Variants in CENPC observed in about 807,000 individuals in gnomAD.
The protein encoded by CENPC is CENP-C 1.
In CENPC, 63 loss-of-function variants were observed where a neutral mutation model predicts 112.1. That is an observed-to-expected ratio of 0.56 (90% CI 0.46 to 0.69). The LOEUF (loss-of-function observed/expected upper bound fraction) is 0.69. CENPC is among the 30% of genes least tolerant of loss of function. The probability of loss-of-function intolerance (pLI) is 0.00; values close to 1 mark genes in which losing one functional copy is unlikely to be tolerated. For synonymous variants in CENPC, 333 were observed against 367.6 expected (o/e 0.91, Z 1.08); for missense variants, 1,000 against 1,103.8 (o/e 0.91, Z 1.33).
Position 67,519,389 on chromosome 4 carries a change from C to T in CENPC, c.445G>A (p.Asp149Asn). 1 of 1,613,304 alleles carries T rather than the reference C, an allele frequency of 6.2e-7. No individual in the cohort carries two copies. Among genetic ancestry groups the T allele is most frequent in the Non-Finnish European group, 8.5e-7 (1 of 1,179,528 alleles). ...CCAACGGATAAGTAAAATTCTTCAT[C>T]AGCTTCACTGTGATGATCATTTATG... ...RNINDHHSEADEEFYLSVGSP... is the reference protein window; with the variant it reads ...RNINDHHSEANEEFYLSVGSP... The change falls in exon 6 of 19, where the codon GAT (aspartate) becomes AAT (asparagine). Residue 149 changes from aspartate (D) to asparagine (N), a missense_variant. Asp to Asn is a conservative substitution (Grantham distance 23). Coordinates refer to ENST00000273853, the MANE Select transcript of CENPC (RefSeq NM_001812.4).
rs1725306243 is a variant in CENPC at position 67,492,278 on chromosome 4, G to A, written c.2420-3C>T. The stretch of plus-strand genomic sequence containing the variant: ...TAGATTTACCATTAAGTTAGTCTCT[G>A]CAAAAGAAATACCATTGAAATACAA... On this transcript the variant is annotated splice_polypyrimidine_tract_variant and splice_region_variant and intron_variant, in intron 15 of 18. Coordinates refer to ENST00000273853, the MANE Select transcript of CENPC (RefSeq NM_001812.4). 9.1e-6 allele frequency: 14 copies of A among 1,533,108 alleles called. No homozygotes were observed. Among genetic ancestry groups the A allele is most frequent in the Non-Finnish European group, 1.2e-5 (14 of 1,130,310 alleles). 95.0% of individuals were successfully genotyped at this position (1,533,108 alleles called of 1,614,324 possible). A position where few individuals can be genotyped will look rare whatever the true frequency, so the allele number is the denominator to read the frequency against.
chr4:67,539,597 TAGG>T (rs911440750), intron 4 of CENPC, among the ~76,000 whole-genome samples: 5 of 152,198 alleles, frequency 3.3e-5, no homozygotes, highest in South Asian at 2.1e-4. Flanking sequence ...AGTATTATTT[TAGG>T]AGAAGTGAAA....
chr4:67,508,861 T>C lies in CENPC; in HGVS notation c.1857A>G (p.Glu619=). The part of the protein sequence containing the change: ...ISRCSLSEPL[E]SDEADLAKKK... ...TCTTAGCCAAGTCTGCCTCATCACT[T>C]TCCAATGGCTCACTCAGCGAACATC... The change falls in exon 10 of 19, where the codon GAA becomes GAG. Residue 619 remains glutamate (E), a synonymous_variant. Transcript: ENST00000273853. 3.1e-6 allele frequency: 5 copies of C among 1,613,644 alleles called. No homozygotes were observed. The highest frequency in any genetic ancestry group is 4.2e-6 in the Non-Finnish European group (5 of 1,179,726).
At chr4:67,491,527 A>AGAGAGAGAGAGAGAGC (rs1433475806) in intron 16 of CENPC, among the ~76,000 whole-genome samples, 2 of 126,460 alleles carry the variant, frequency 1.6e-5, no homozygotes, top group Admixed American at 8.6e-5. Flanking sequence ...AGAGAGAGAG[A>AGAGAGAGAGAGAGAGC]GCCTGGTTGT....
intron 15 of CENPC, 193 bp downstream of exon 15, chr4:67,492,676 A>G: frequency 1.1e-6 from 1 of 894,998 alleles, no homozygotes; most frequent in South Asian, 2.3e-5. Flanking sequence ...ATAATATGCT[A>G]TTAATAATTT....
chr4:67,480,450 A>C (rs1724922403), intron 17 of CENPC, among the ~76,000 whole-genome samples: 1 of 152,252 alleles, frequency 6.6e-6, no homozygotes, highest in Non-Finnish European at 1.5e-5. Flanking sequence ...TTCTTAGATT[A>C]AACCAAGAAG....
chr4:67,519,120 C>T, intron 6 of CENPC, 97 bp downstream of exon 6: 1 of 836,372 alleles, frequency 1.2e-6, no homozygotes, highest in South Asian at 2.2e-5. Context: ...TTCCTCCTTC[C>T]TTAGTGTAAA....
intron 17 of CENPC, among the ~76,000 whole-genome samples, chr4:67,484,349 G>A (rs934964336): frequency 6.6e-6 from 1 of 152,196 alleles, no homozygotes; most frequent in Admixed American, 6.5e-5. Flanking sequence ...ACACATAGCT[G>A]TAATTTGTTA....
In CENPC at chr4:67,492,200, G is replaced by A; in HGVS notation, c.2495C>T (p.Thr832Ile). The change falls in exon 16 of 19, where the codon ACA (threonine) becomes ATA (isoleucine). Residue 832 changes from threonine (T) to isoleucine (I), a missense_variant. Thr to Ile is a moderately conservative substitution (Grantham distance 89). Coordinates refer to ENST00000273853, the MANE Select transcript of CENPC (RefSeq NM_001812.4). ...CTTACCCATGAGAATAATCTCTCTT[G>A]TTTCTGGGTCCTTTACCCTCGTTGG... is the stretch of plus-strand genomic sequence containing the variant. ...LQPTRVKDPE[T>I]REIILMDLVR... 6.4e-7 allele frequency: 1 copy of A among 1,563,482 alleles called. No individual in the cohort carries two copies. Among genetic ancestry groups the A allele is most frequent in the South Asian group, 1.2e-5 (1 of 84,922 alleles).
At position 67,512,435 on chromosome 4, in the gene CENPC, G is replaced by C; in HGVS notation, c.1579C>G (p.Pro527Ala). Residue 527 changes from proline to alanine, a missense_variant, in exon 9 of 19, where the codon CCA becomes GCA. Pro to Ala is a conservative substitution (Grantham distance 27). Coordinates refer to ENST00000273853, the MANE Select transcript of CENPC (RefSeq NM_001812.4). ...GATTTTACCACCCACCAATCAGATG[G>C]ACGCCTGGAAATTCTTCGACTTTTC... ...VTKSRRISRR[P>A]SDWWVVKSEE... 3.1e-6 allele frequency: 5 copies of C among 1,599,920 alleles called. No homozygotes were observed. Among genetic ancestry groups the C allele is most frequent in the Non-Finnish European group, 4.3e-6 (5 of 1,173,652 alleles).
chr4:67,545,223 T>C (rs1021050192), intron 1 of CENPC, 115 bp downstream of exon 1: 4 of 1,065,078 alleles, frequency 3.8e-6, no homozygotes, highest in Non-Finnish European at 5.1e-6. Context: ...GCTTTCCCAC[T>C]GAAATCCCTC....
At chr4:67,504,391 A>C (rs1409057524) in intron 12 of CENPC, among the ~76,000 whole-genome samples, 1 of 152,178 alleles carries the variant, frequency 6.6e-6, no homozygotes, top group Admixed American at 6.5e-5. Flanking sequence ...ACGGGGGAAA[A>C]ATTAAAAAGT....
chr4:67,492,216 C>A lies in CENPC; in HGVS notation c.2479G>T (p.Val827Leu). The A allele has an allele frequency of 6.4e-7, 1 of 1,568,938 alleles. No individual in the cohort carries two copies. Among genetic ancestry groups the A allele is most frequent in the Non-Finnish European group, 8.7e-7 (1 of 1,154,878 alleles). ...PLGDPLQPTR[V>L]KDPETREIIL... ...ATCTCTCTTGTTTCTGGGTCCTTTA[C>A]CCTCGTTGGCTGCAAAGGATCTCCA... Residue 827 changes from valine (V) to leucine (L), a missense_variant, in exon 16 of 19, where the codon GTA becomes TTA. Transcript: ENST00000273853.
intron 17 of CENPC, among the ~76,000 whole-genome samples, chr4:67,475,493 T>C (rs1724779786): frequency 6.6e-6 from 1 of 152,218 alleles, no homozygotes; most frequent in African/African-American, 2.4e-5. Context: ...CAGAAAGAAA[T>C]ACAAACCTGT....
chr4:67,505,107 A>G (rs1725697404), intron 12 of CENPC, 98 bp downstream of exon 12: 1 of 816,474 alleles, frequency 1.2e-6, no homozygotes, highest in Admixed American at 2.7e-5. Context: ...TACTCAATAT[A>G]CACTCGCCAT....
At position 67,468,952 on chromosome 4, in the gene CENPC, A is replaced by C. The variant is rs1182823823; in HGVS notation, c.*3653T>G. 1 of 152,228 alleles carries C rather than the reference A, an allele frequency of 6.6e-6. No individual in the cohort carries two copies. Among genetic ancestry groups the C allele is most frequent in the East Asian group, 1.9e-4 (1 of 5,206 alleles). The allele number at this position is 152,228 out of a possible 1,614,324, so 9.4% of individuals were successfully genotyped here. A position where few individuals can be genotyped will look rare whatever the true frequency, so the allele number is the denominator to read the frequency against. On this transcript the variant is annotated 3_prime_UTR_variant, in exon 19 of 19. Coordinates refer to ENST00000273853, the MANE Select transcript of CENPC (RefSeq NM_001812.4). ...CCATTGCTACAACAATATATAAGTGACAATATTACAGAGATGAAGAACAAA... is the reference window on the plus strand; with the variant it reads ...CCATTGCTACAACAATATATAAGTGCCAATATTACAGAGATGAAGAACAAA...
In CENPC at chr4:67,510,874, G is replaced by C; in HGVS notation, c.1612+1528C>G. On this transcript the variant is annotated intron_variant, in intron 9 of 18. Coordinates refer to ENST00000273853, the MANE Select transcript of CENPC (RefSeq NM_001812.4). ...CCTCCACTTTTTCGACTCCCAGCTT[G>C]ATCAAAAATCCAACATCTATTTCAG... The C allele has an allele frequency of 7.4e-6, 3 of 403,824 alleles. No individual in the cohort carries two copies. The East Asian group carries it at 2.2e-4, about 29-fold the overall frequency. 25.0% of individuals were successfully genotyped at this position (403,824 alleles called of 1,614,324 possible).
At chr4:67,517,478 A>G (rs1243340139) in intron 7 of CENPC, among the ~76,000 whole-genome samples, 1 of 151,742 alleles carries the variant, frequency 6.6e-6, no homozygotes, top group African/African-American at 2.4e-5. Context: ...ACTTCCTAGT[A>G]TATTCACTAG....
chr4:67,509,241 CACACACACACACACAT>C, intron 9 of CENPC, 136 bp from the exon 10 acceptor site: 3 of 591,510 alleles, frequency 5.1e-6, no homozygotes, highest in Non-Finnish European at 8.9e-6. Context: ...CACACACACA[CACACACACACACACAT>C]CTCAGGCTAA....
Sources: gnomAD v4.1 joint callset for allele counts (sites outside exome capture counted in the v4.1 genomes callset) on GRCh38, gnomAD v4.1.1 for gene constraint, MANE v1.5 for transcripts, NCBI Gene and HGNC (gene_info 2026-07-23, HGNC 2026-07-21) for gene names.